NMU: variants seen among roughly 807,000 people sequenced by gnomAD.
NMU encodes neuromedin U.
A neutral mutation model predicts 35.4 loss-of-function variants in NMU; 29 were observed. The observed-to-expected ratio is 0.82, with a 90% CI of 0.61 to 1.12. The LOEUF (loss-of-function observed/expected upper bound fraction) is 1.12. Ranked by LOEUF, NMU falls within the 50% of genes most tolerant of loss-of-function variation. The pLI, the probability that NMU is intolerant of heterozygous loss-of-function variation, is 0.00. For missense variants in NMU, 199 were observed against 206.2 expected (o/e 0.97, Z 0.21); for synonymous variants, 78 against 81.3 (o/e 0.96, Z 0.22).
chr4:55,609,053 C>T, intron 4 of NMU, 67 bp downstream of exon 4: 1 of 1,341,106 alleles, frequency 7.5e-7, no homozygotes, highest in Non-Finnish European at 1.1e-6. Context: ...ATATTTTCTT[C>T]CAGGAGAAAT....
intron 7 of NMU, among the ~76,000 whole-genome samples, chr4:55,604,734 T>A (rs1374165397): frequency 7.2e-6 from 1 of 138,960 alleles, no homozygotes. Context: ...GGTTTCGCCA[T>A]GTTGCCAAGG....
At chr4:55,618,696 TC>T (rs1560522194) in intron 2 of NMU, among the ~76,000 whole-genome samples, 49 of 74,034 alleles carry the variant, frequency 6.6e-4, no homozygotes, top group African/African-American at 1.7e-3. Context: ...CTTTCTTCTC[TC>T]TCTTCTTTCT....
chr4:55,634,046 G>T (rs1300583418), intron 1 of NMU, among the ~76,000 whole-genome samples: 1 of 152,054 alleles, frequency 6.6e-6, no homozygotes, highest in Non-Finnish European at 1.5e-5. Flanking sequence ...TTGTTTGTTT[G>T]TTTTTTGCCA....
intron 1 of NMU, among the ~76,000 whole-genome samples, chr4:55,633,342 A>G (rs1460063394): frequency 6.6e-6 from 1 of 151,904 alleles, no homozygotes; most frequent in African/African-American, 2.4e-5. Context: ...AAAGAAAAAA[A>G]AAAAAAAGAA....
Position 55,636,094 on chromosome 4 carries a change from C to A in NMU, c.99G>T (p.Ala33=), listed in dbSNP as rs372332349. The A allele has an allele frequency of 1.1e-4, 165 of 1,530,890 alleles. 1 individual carries two copies. In the East Asian group the frequency reaches 3.5e-3, roughly 32 times the overall value. The allele number at this position is 1,530,890 out of a possible 1,614,324, so 94.8% of individuals were successfully genotyped here. A position where few individuals can be genotyped will look rare whatever the true frequency, so the allele number is the denominator to read the frequency against. Residue 33 remains alanine, a synonymous_variant, in exon 1 of 10, where the codon GCG becomes GCT. Coordinates refer to ENST00000264218, the MANE Select transcript of NMU (RefSeq NM_006681.4). The surrounding 1 kb of genome is among the most constrained non-coding windows in gnomAD (Gnocchi z 4.0). ...GGGCCGTCTTACCTCGGCAGGCGCCCGCGCACCAGGCGAGCAGCAGCAGCA... is the reference window on the plus strand; with the variant it reads ...GGGCCGTCTTACCTCGGCAGGCGCCAGCGCACCAGGCGAGCAGCAGCAGCA... The part of the protein sequence containing the change: ...LLLLLLLAWC[A]GACRGAPILP...
intron 1 of NMU, among the ~76,000 whole-genome samples, chr4:55,631,803 C>G (rs1372043917): frequency 6.6e-6 from 1 of 152,154 alleles, no homozygotes; most frequent in Non-Finnish European, 1.5e-5. Context: ...TCCAGCAATC[C>G]CATTACTGGG....
chr4:55,630,228 A>C (rs1278436101), intron 2 of NMU, among the ~76,000 whole-genome samples, 174 bp downstream of exon 2: 3 of 152,080 alleles, frequency 2.0e-5, no homozygotes, highest in African/African-American at 7.2e-5. Flanking sequence ...CTTATTTACA[A>C]AATTTTTGTT....
intron 2 of NMU, among the ~76,000 whole-genome samples, chr4:55,617,639 A>C (rs1489833043): frequency 2.6e-5 from 4 of 152,226 alleles, no homozygotes; most frequent in Non-Finnish European, 5.9e-5. Context: ...AAAAAAGTGA[A>C]TTGAGAGGGG....
chr4:55,599,316 G>C (rs532900464), intron 8 of NMU, 135 bp from the exon 9 acceptor site: 36 of 691,868 alleles, frequency 5.2e-5, no homozygotes, highest in African/African-American at 4.0e-4. Context: ...AACATAGACT[G>C]CTGGACCCCA....
At chr4:55,625,169 T>A (rs1260406313) in intron 2 of NMU, among the ~76,000 whole-genome samples, 14 of 98,304 alleles carry the variant, frequency 1.4e-4, no homozygotes, top group East Asian at 3.1e-4. Context: ...AAAGTATAAT[T>A]AAAAAAAAAA....
Position 55,609,121 on chromosome 4 carries a change from T to A in NMU, c.278A>T (p.Gln93Leu). ...FMIMGMLPKP[Q>L]EQDEKDNTKR... ...AACAAAACACTATTTCAAGCTTACC[T>A]GAGGCTTTGGTAGCATTCCCATAAT... The change falls in exon 4 of 10, where the codon CAG becomes CTG. Residue 93 changes from glutamine (Q) to leucine (L), a missense_variant and splice_region_variant. Physicochemically the swap from Gln to Leu is moderately radical, Grantham distance 113 (BLOSUM62 -2). Transcript: ENST00000264218. 6.2e-7 allele frequency: 1 copy of A among 1,612,688 alleles called. No individual in the cohort carries two copies. Among genetic ancestry groups the A allele is most frequent in the Non-Finnish European group, 8.5e-7 (1 of 1,178,696 alleles).
Position 55,636,092 on chromosome 4 carries a change from C to T in NMU, c.101G>A (p.Gly34Asp). The change falls in exon 1 of 10, where the codon GGC becomes GAC. Residue 34 changes from glycine to aspartate, a missense_variant. Transcript: ENST00000264218. The surrounding 1 kb of genome is among the most constrained non-coding windows in gnomAD (Gnocchi z 4.0). ...CGGGGCCGTCTTACCTCGGCAGGCG[C>T]CCGCGCACCAGGCGAGCAGCAGCAG... ...LLLLLLAWCA[G>D]ACRGAPILPQ... is the part of the protein sequence containing the mutation. 2 of 1,530,896 alleles carry T rather than the reference C, an allele frequency of 1.3e-6. No individual in the cohort carries two copies. The highest frequency in any genetic ancestry group is 4.5e-4 in the Middle Eastern group (2 of 4,434). 94.8% of individuals were successfully genotyped at this position (1,530,896 alleles called of 1,614,324 possible).
intron 7 of NMU, among the ~76,000 whole-genome samples, chr4:55,602,635 C>G (rs149059827): frequency 5.3e-5 from 8 of 152,254 alleles, no homozygotes; most frequent in East Asian, 3.9e-4. Context: ...ATTCATAACT[C>G]GAGCAAACAC....
At chr4:55,616,534 A>T in intron 2 of NMU, 149 bp from the exon 3 acceptor site, 3 of 694,138 alleles carry the variant, frequency 4.3e-6, no homozygotes, top group Non-Finnish European at 5.2e-6. Context: ...AGCCTCAAAA[A>T]CTTTATAAGA....
chr4:55,597,296 T>C (rs1733224295), intron 9 of NMU, among the ~76,000 whole-genome samples: 1 of 151,926 alleles, frequency 6.6e-6, no homozygotes, highest in South Asian at 2.1e-4. Context: ...ATTGGCTTAG[T>C]ACTTTTTGAG....
intron 1 of NMU, 139 bp downstream of exon 1, chr4:55,635,942 A>T (rs1338729595): frequency 2.1e-6 from 3 of 1,455,506 alleles, no homozygotes; most frequent in Non-Finnish European, 1.9e-6. Context: ...GGAGGCGGGA[A>T]ACCCCGCGGC....
At chr4:55,613,369 T>C (rs1734008080) in intron 3 of NMU, among the ~76,000 whole-genome samples, 1 of 152,122 alleles carries the variant, frequency 6.6e-6, no homozygotes, top group South Asian at 2.1e-4. Context: ...CTAATTGTAA[T>C]AAGAAACCAT....
chr4:55,618,884 C>CT (rs775458324), intron 2 of NMU, among the ~76,000 whole-genome samples: 3,295 of 127,874 alleles, frequency 0.026, 147 homozygotes, highest in African/African-American at 0.088. Context: ...TTCTCTCTTT[C>CT]TTTTTTTTTT....
chr4:55,602,070 A>G (rs539678090), intron 7 of NMU, among the ~76,000 whole-genome samples: 1 of 152,326 alleles, frequency 6.6e-6, no homozygotes, highest in South Asian at 2.1e-4. Context: ...AAAAGGCCAG[A>G]CAAAATGTAA....
Sources: allele counts gnomAD v4.1 joint callset (sites outside exome capture counted in the v4.1 genomes callset), GRCh38; gene constraint gnomAD v4.1.1; non-coding constraint Gnocchi (gnomAD v3.1); transcripts MANE v1.5; gene names NCBI Gene and HGNC (gene_info 2026-07-23, HGNC 2026-07-21).